ELF2: variants seen among roughly 807,000 people sequenced by gnomAD.
The protein encoded by ELF2 is E74 like ETS transcription factor 2, also known as ETS-related transcription factor Elf-2.
A neutral mutation model predicts 54.8 loss-of-function variants in ELF2; 11 were observed. The observed-to-expected ratio is 0.20, with a 90% CI of 0.13 to 0.33. The LOEUF is 0.33. ELF2 is among the 10% of genes least tolerant of loss of function. The pLI, the probability that ELF2 is intolerant of heterozygous loss-of-function variation, is 1.00. For synonymous variants in ELF2, 203 were observed against 245.1 expected, an observed-to-expected ratio of 0.83 and a Z score of 1.61; for missense variants, 513 against 703.0, an observed-to-expected ratio of 0.73 and a Z score of 3.06.
chr4:139,144,693 C>T (rs531970028), intron 1 of ELF2, among the ~76,000 whole-genome samples: 1 of 152,274 alleles, frequency 6.6e-6, no homozygotes, highest in East Asian at 1.9e-4. Context: ...TGTGTAGGAG[C>T]TGGATGAGAC....
At chr4:139,135,657 T>A (rs968284888) in intron 3 of ELF2, among the ~76,000 whole-genome samples, 1 of 151,970 alleles carries the variant, frequency 6.6e-6, no homozygotes, top group Non-Finnish European at 1.5e-5. Context: ...AAGGAAAAAA[T>A]GAATGAAAAT....
chr4:139,126,937 A>G (rs1264569224), intron 3 of ELF2, among the ~76,000 whole-genome samples: 1 of 152,192 alleles, frequency 6.6e-6, no homozygotes, highest in Non-Finnish European at 1.5e-5. Context: ...CTGTGAAGAG[A>G]GATTCCACGA....
At chr4:139,142,170 AG>A (rs1422610177) in intron 1 of ELF2, among the ~76,000 whole-genome samples, 2 of 152,246 alleles carry the variant, frequency 1.3e-5, no homozygotes, top group East Asian at 3.8e-4. Context: ...CCAAAGAGAT[AG>A]GGATTATTTG....
Position 139,060,506 on chromosome 4 carries a change from C to T in ELF2, c.975G>A (p.Leu325=). 6.2e-7 allele frequency: 1 copy of T among 1,614,234 alleles called. No homozygotes were observed. The highest frequency in any genetic ancestry group is 8.5e-7 in the Non-Finnish European group (1 of 1,180,038). Residue 325 remains leucine (L), a synonymous_variant, in exon 9 of 10, where the codon CTG becomes CTA. Coordinates refer to ENST00000686138, the MANE Select transcript of ELF2 (RefSeq NM_001331036.3). ...CTGCTTTCAGGAGACTTTCTGCAGA[C>T]AGTGACACTCGTTCTAATGATTTTT... ...TDEKSLERVS[L]SAESLLKAAS...
upstream of ELF2, among the ~76,000 whole-genome samples, chr4:139,177,444 C>A (rs1743091659): frequency 6.6e-6 from 1 of 151,898 alleles, no homozygotes; most frequent in African/African-American, 2.4e-5. Context: ...CCCGCGGGGC[C>A]CCGCCGCCCT....
chr4:139,158,845 CT>C (rs568740019), intron 1 of ELF2, among the ~76,000 whole-genome samples: 1 of 151,738 alleles, frequency 6.6e-6, no homozygotes, highest in Non-Finnish European at 1.5e-5. Context: ...TGACAGAGTC[CT>C]TTTTTTTAAG....
chr4:139,134,289 T>TA (rs572281376), intron 3 of ELF2, among the ~76,000 whole-genome samples: 23 of 149,984 alleles, frequency 1.5e-4, no homozygotes, highest in Admixed American at 4.7e-4. Flanking sequence ...TTCCTGGGAT[T>TA]AAAAAAAAAA....
At chr4:139,062,405 A>C (rs1469958576) in intron 7 of ELF2, among the ~76,000 whole-genome samples, 1 of 152,150 alleles carries the variant, frequency 6.6e-6, no homozygotes. Flanking sequence ...TCCTGACCTC[A>C]GGTGATCCGC....
chr4:139,162,920 G>C (rs1741319150), intron 1 of ELF2, among the ~76,000 whole-genome samples: 1 of 151,958 alleles, frequency 6.6e-6, no homozygotes, highest in African/African-American at 2.4e-5. Context: ...AACACGGCAA[G>C]ACTCTGTCTC....
intron 1 of ELF2, among the ~76,000 whole-genome samples, chr4:139,148,669 C>A (rs1464662271): frequency 4.0e-5 from 6 of 150,146 alleles, no homozygotes; most frequent in Admixed American, 4.0e-4. Flanking sequence ...TTTTTTTTTA[C>A]CATTGTGAAT....
intron 1 of ELF2, among the ~76,000 whole-genome samples, chr4:139,171,271 G>A (rs1344551635): frequency 6.6e-6 from 1 of 152,020 alleles, no homozygotes; most frequent in Non-Finnish European, 1.5e-5. Flanking sequence ...GTATGCACCT[G>A]CATTCCCCAT....
intron 4 of ELF2, among the ~76,000 whole-genome samples, chr4:139,082,133 G>A (rs1414263961): frequency 1.3e-5 from 2 of 152,120 alleles, no homozygotes; most frequent in African/African-American, 4.8e-5. Context: ...AGTTTCCAAT[G>A]GCAAAGTGAA....
intron 3 of ELF2, among the ~76,000 whole-genome samples, chr4:139,129,380 A>T (rs894762808): frequency 6.6e-6 from 1 of 152,118 alleles, no homozygotes; most frequent in Non-Finnish European, 1.5e-5. Flanking sequence ...ACCCATTCTT[A>T]TGGTTTCAAA....
chr4:139,071,612 C>G (rs1295022609), intron 6 of ELF2, among the ~76,000 whole-genome samples: 2 of 152,052 alleles, frequency 1.3e-5, no homozygotes, highest in Non-Finnish European at 2.9e-5. Flanking sequence ...GATCTGCCTT[C>G]TGTGTGTCGA....
intron 1 of ELF2, among the ~76,000 whole-genome samples, chr4:139,174,224 AAAG>A (rs1270785658): frequency 1.4e-5 from 2 of 143,468 alleles, no homozygotes; most frequent in South Asian, 2.2e-4. Context: ...AAAAAAAAAG[AAAG>A]AAAGAAAATA....
chr4:139,115,539 C>G (rs1036552025), intron 4 of ELF2, among the ~76,000 whole-genome samples: 6 of 151,582 alleles, frequency 4.0e-5, no homozygotes, highest in African/African-American at 1.2e-4. Context: ...GGCCGCGCCC[C>G]CTGACATGGA....
chr4:139,159,695 C>G (rs1192764018), intron 1 of ELF2, among the ~76,000 whole-genome samples: 1 of 152,146 alleles, frequency 6.6e-6, no homozygotes, highest in Non-Finnish European at 1.5e-5. Flanking sequence ...TTTTTAGCTA[C>G]CTTATCAGCG....
At chr4:139,063,263 AAAAG>A (rs1728158019) in intron 7 of ELF2, among the ~76,000 whole-genome samples, 1 of 152,192 alleles carries the variant, frequency 6.6e-6, no homozygotes, top group African/African-American at 2.4e-5. Context: ...GTCACAGGAA[AAAAG>A]AAAGAAAAAA....
intron 1 of ELF2, among the ~76,000 whole-genome samples, chr4:139,158,188 AG>A (rs1740745268): frequency 6.6e-6 from 1 of 152,162 alleles, no homozygotes; most frequent in Non-Finnish European, 1.5e-5. Context: ...CCAGGTGCTC[AG>A]TGGGGGAGCT....
Sources: allele counts gnomAD v4.1 joint callset (sites outside exome capture counted in the v4.1 genomes callset), GRCh38; gene constraint gnomAD v4.1.1; transcripts MANE v1.5; gene names NCBI Gene and HGNC (gene_info 2026-07-23, HGNC 2026-07-21).